Variants in TMEFF2 observed in about 807,000 individuals in gnomAD.
TMEFF2 encodes the protein transmembrane protein with EGF like and two follistatin like domains 2.
A neutral mutation model predicts 53.8 loss-of-function variants in TMEFF2; 28 were observed. The observed-to-expected ratio is 0.52, with a 90% CI of 0.39 to 0.71. The LOEUF (loss-of-function observed/expected upper bound fraction) is 0.71, where lower values mean the gene tolerates loss of function less well. Among genes scored for constraint, TMEFF2 ranks in the 30% least tolerant of loss-of-function variants. The probability of loss-of-function intolerance (pLI) is 0.00; values close to 1 mark genes in which losing one functional copy is unlikely to be tolerated. For synonymous variants in TMEFF2, 162 were observed against 166.3 expected (o/e 0.97, Z 0.20); for missense variants, 353 against 455.2 (o/e 0.78, Z 2.04).
At chr2:192,138,638 T>C (rs1690066135) in intron 4 of TMEFF2, among the ~76,000 whole-genome samples, 1 of 152,212 alleles carries the variant, frequency 6.6e-6, no homozygotes, top group South Asian at 2.1e-4. Flanking sequence ...CTTCTCCTAA[T>C]AGAAAGCATT....
At chr2:192,110,927 G>A (rs1464055600) in intron 4 of TMEFF2, among the ~76,000 whole-genome samples, 1 of 152,108 alleles carries the variant, frequency 6.6e-6, no homozygotes, top group African/African-American at 2.4e-5. Context: ...TTTATAAGGG[G>A]AAGCCCTTTT....
chr2:191,953,466 C>T (rs1691951042), intron 9 of TMEFF2, among the ~76,000 whole-genome samples: 1 of 152,186 alleles, frequency 6.6e-6, no homozygotes, highest in Non-Finnish European at 1.5e-5. Flanking sequence ...TCTTTATCAT[C>T]AGGCAAAATT....
chr2:192,131,335 C>A (rs1559139404), intron 4 of TMEFF2, among the ~76,000 whole-genome samples: 1 of 151,160 alleles, frequency 6.6e-6, no homozygotes. Context: ...CTTGTCTCTA[C>A]CCCTTCTCTG....
At chr2:191,990,995 G>A (rs1686091715) in intron 7 of TMEFF2, among the ~76,000 whole-genome samples, 1 of 151,930 alleles carries the variant, frequency 6.6e-6, no homozygotes, top group Admixed American at 6.6e-5. Flanking sequence ...TGTGTCATAA[G>A]CTATGTCTTC....
chr2:192,097,572 T>C (rs1688942677), intron 4 of TMEFF2, among the ~76,000 whole-genome samples: 1 of 152,230 alleles, frequency 6.6e-6, no homozygotes, highest in Non-Finnish European at 1.5e-5. Context: ...TGCTCATTTT[T>C]AATCTTAACA....
intron 4 of TMEFF2, among the ~76,000 whole-genome samples, chr2:192,095,791 A>G (rs1197684523): frequency 6.6e-6 from 1 of 152,184 alleles, no homozygotes; most frequent in African/African-American, 2.4e-5. Flanking sequence ...AACTTACTTT[A>G]AATATACAAT....
chr2:192,160,278 A>C (rs1690602594), intron 4 of TMEFF2, among the ~76,000 whole-genome samples: 1 of 152,130 alleles, frequency 6.6e-6, no homozygotes, highest in African/African-American at 2.4e-5. Context: ...GTGTATCAAC[A>C]TTTGGTTTGG....
intron 7 of TMEFF2, among the ~76,000 whole-genome samples, chr2:191,960,553 C>T (rs766343661): frequency 6.6e-6 from 1 of 152,136 alleles, no homozygotes; most frequent in Non-Finnish European, 1.5e-5. Context: ...AGACCCTACC[C>T]GTTGTTCACT....
At chr2:191,999,998 C>T (rs1413494485) in intron 5 of TMEFF2, among the ~76,000 whole-genome samples, 2 of 149,808 alleles carry the variant, frequency 1.3e-5, no homozygotes, top group Non-Finnish European at 2.9e-5. Flanking sequence ...TTTCTATAAT[C>T]TAAATAAAAA....
chr2:192,132,697 T>C (rs1574402292), intron 4 of TMEFF2, among the ~76,000 whole-genome samples: 2 of 152,258 alleles, frequency 1.3e-5, no homozygotes, highest in East Asian at 3.9e-4. Flanking sequence ...AGGAGCTTGC[T>C]ACAAGTGCCA....
At chr2:192,133,277 C>A (rs965484500) in intron 4 of TMEFF2, among the ~76,000 whole-genome samples, 1 of 152,126 alleles carries the variant, frequency 6.6e-6, no homozygotes, top group Non-Finnish European at 1.5e-5. Context: ...TCATTTGCGT[C>A]CTCCTCTTGT....
chr2:192,115,498 CAA>C (rs1424380252), intron 4 of TMEFF2, among the ~76,000 whole-genome samples: 1 of 151,716 alleles, frequency 6.6e-6, no homozygotes, highest in African/African-American at 2.4e-5. Flanking sequence ...TTACATCAAA[CAA>C]AAAAGTTTCT....
chr2:191,960,067 T>C (rs1376490521), intron 7 of TMEFF2, among the ~76,000 whole-genome samples: 1 of 151,706 alleles, frequency 6.6e-6, no homozygotes, highest in Non-Finnish European at 1.5e-5. Flanking sequence ...GAGATGGGGG[T>C]TTTCCATGTT....
At chr2:192,177,450 A>G (rs1691073803) in intron 4 of TMEFF2, 1 of 151,186 alleles carries the variant, frequency 6.6e-6, no homozygotes, top group Non-Finnish European at 1.5e-5. Flanking sequence ...AGTAACATGT[A>G]GACTAGAAAA....
chr2:191,951,718 GA>G (rs553194946), intron 9 of TMEFF2, among the ~76,000 whole-genome samples: 17 of 152,098 alleles, frequency 1.1e-4, no homozygotes, highest in Admixed American at 2.0e-4. Context: ...TCCACACTGG[GA>G]ATTGGTGTGC....
chr2:192,069,986 G>GTGTGTA (rs1688252997), intron 4 of TMEFF2, among the ~76,000 whole-genome samples: 1 of 11,682 alleles, frequency 8.6e-5, no homozygotes, highest in African/African-American at 1.3e-4. Context: ...GTGTGTGTGT[G>GTGTGTA]TGTATATATA....
At chr2:192,075,325 A>G (rs1173123911) in intron 4 of TMEFF2, among the ~76,000 whole-genome samples, 4 of 97,852 alleles carry the variant, frequency 4.1e-5, no homozygotes, top group African/African-American at 1.5e-4. Context: ...ATATATATAT[A>G]TATATATACA....
chr2:192,146,413 AT>A (rs201061485), intron 4 of TMEFF2, among the ~76,000 whole-genome samples: 2,346 of 152,130 alleles, frequency 0.015, 62 homozygotes, highest in African/African-American at 0.053. Flanking sequence ...TGACCTAAAA[AT>A]ATTGTAATTA....
chr2:192,034,131 T>C (rs546358772), intron 5 of TMEFF2, among the ~76,000 whole-genome samples: 111 of 142,910 alleles, frequency 7.8e-4, no homozygotes, highest in African/African-American at 2.8e-3. Context: ...GCCGAGATCG[T>C]GCCACTGCAC....
Sources: gnomAD v4.1 joint callset for allele counts (sites outside exome capture counted in the v4.1 genomes callset) on GRCh38, gnomAD v4.1.1 for gene constraint, MANE v1.5 for transcripts, NCBI Gene and HGNC (gene_info 2026-07-23, HGNC 2026-07-21) for gene names.